Variants in APBB1IP observed in about 807,000 individuals in gnomAD.
APBB1IP encodes amyloid beta A4 precursor protein-binding family B member 1-interacting protein.
In APBB1IP, 27 loss-of-function variants were observed where a neutral mutation model predicts 64.9. The observed-to-expected ratio is 0.42, with a 90% CI of 0.31 to 0.57. APBB1IP has a LOEUF of 0.57. Ranked by LOEUF, APBB1IP falls within the 20% of genes least tolerant of loss-of-function variation. APBB1IP has a pLI of 0.20. For synonymous variants in APBB1IP, 392 were observed against 331.0 expected (o/e 1.18, Z -2.00); for missense variants, 812 against 845.5 (o/e 0.96, Z 0.49).
At chr10:26,500,205 T>G (rs575203512) in intron 4 of APBB1IP, among the ~76,000 whole-genome samples, 1 of 138,088 alleles carries the variant, frequency 7.2e-6, no homozygotes, top group East Asian at 2.1e-4. Context: ...ATTAAGACTC[T>G]GTCTCAAAAA....
At chr10:26,493,099 A>T (rs1443764593) in intron 3 of APBB1IP, among the ~76,000 whole-genome samples, 1 of 152,138 alleles carries the variant, frequency 6.6e-6, no homozygotes, top group Non-Finnish European at 1.5e-5. Context: ...GAATTCAGTG[A>T]TATTTCTCTT....
chr10:26,543,691 T>G (rs1836726328), intron 11 of APBB1IP, among the ~76,000 whole-genome samples: 1 of 152,044 alleles, frequency 6.6e-6, no homozygotes, highest in South Asian at 2.1e-4. Flanking sequence ...CAATGTGATG[T>G]CAAGTAGTAA....
chr10:26,544,137 C>G (rs1245659084), intron 11 of APBB1IP, among the ~76,000 whole-genome samples: 2 of 152,202 alleles, frequency 1.3e-5, no homozygotes. Context: ...GATCTGGACA[C>G]AAAGCATCGC....
intron 4 of APBB1IP, among the ~76,000 whole-genome samples, chr10:26,498,024 A>G (rs1836049545): frequency 6.6e-6 from 1 of 152,038 alleles, no homozygotes; most frequent in Non-Finnish European, 1.5e-5. Context: ...ATGGCACCCG[A>G]CCAGGATTTC....
chr10:26,537,525 A>G (rs1240343663), intron 10 of APBB1IP, among the ~76,000 whole-genome samples: 2 of 152,156 alleles, frequency 1.3e-5, no homozygotes, highest in Non-Finnish European at 2.9e-5. Context: ...GGCACCTCAC[A>G]ACTGACCCAC....
At chr10:26,448,693 C>T (rs1414480320) in intron 2 of APBB1IP, among the ~76,000 whole-genome samples, 1 of 152,126 alleles carries the variant, frequency 6.6e-6, no homozygotes, top group South Asian at 2.1e-4. Context: ...ATTATTTGCC[C>T]TCTAGTAACA....
At chr10:26,471,158 G>T (rs1835710956) in intron 2 of APBB1IP, among the ~76,000 whole-genome samples, 1 of 152,122 alleles carries the variant, frequency 6.6e-6, no homozygotes, top group African/African-American at 2.4e-5. Flanking sequence ...AAGTGTCAGG[G>T]CTGGGTTTTG....
chr10:26,455,909 C>A (rs920319828), intron 2 of APBB1IP, among the ~76,000 whole-genome samples: 1 of 152,138 alleles, frequency 6.6e-6, no homozygotes, highest in Non-Finnish European at 1.5e-5. Context: ...CCCAAATGTC[C>A]ATCAACTAAT....
chr10:26,561,994 A>G (rs1023067287), intron 13 of APBB1IP: 1 of 184,084 alleles, frequency 5.4e-6, no homozygotes, highest in African/African-American at 2.4e-5. Flanking sequence ...TTTTAAAAGT[A>G]AAACATATTG....
intron 6 of APBB1IP, among the ~76,000 whole-genome samples, chr10:26,508,039 A>C (rs1836205748): frequency 6.6e-6 from 1 of 152,236 alleles, no homozygotes; most frequent in Non-Finnish European, 1.5e-5. Flanking sequence ...AAAATTACGA[A>C]GACAAGTTAT....
intron 1 of APBB1IP, 56 bp downstream of exon 1, chr10:26,438,511 A>AAAAT (rs1235542560): frequency 1.6e-5 from 2 of 123,140 alleles, no homozygotes; most frequent in African/African-American, 5.8e-5. Flanking sequence ...AAAATAAAAT[A>AAAAT]AAAATCCCTT....
intron 8 of APBB1IP, among the ~76,000 whole-genome samples, chr10:26,524,361 A>T (rs984224319): frequency 1.3e-5 from 2 of 152,068 alleles, no homozygotes; most frequent in Non-Finnish European, 2.9e-5. Flanking sequence ...CCATTAGATC[A>T]TGTTTCTCCG....
chr10:26,560,282 G>A, intron 12 of APBB1IP, 79 bp downstream of exon 12: 1 of 1,333,404 alleles, frequency 7.5e-7, no homozygotes. Flanking sequence ...TCCTGGTACT[G>A]TGAAACAGCT....
intron 2 of APBB1IP, among the ~76,000 whole-genome samples, chr10:26,449,091 G>T (rs1835433134): frequency 6.6e-6 from 1 of 152,188 alleles, no homozygotes; most frequent in African/African-American, 2.4e-5. Flanking sequence ...GACTCAAGGA[G>T]ATTCCAGTGC....
chr10:26,553,039 T>G (rs1242288484), intron 11 of APBB1IP, among the ~76,000 whole-genome samples: 1 of 152,104 alleles, frequency 6.6e-6, no homozygotes, highest in Non-Finnish European at 1.5e-5. Flanking sequence ...TTTCTTTTTT[T>G]GAGATGGAGT....
chr10:26,524,293 C>T (rs2132455545), intron 8 of APBB1IP, among the ~76,000 whole-genome samples: 1 of 152,246 alleles, frequency 6.6e-6, no homozygotes, highest in Middle Eastern at 3.4e-3. Context: ...GAGTGTCACA[C>T]AGAGACACAG....
intron 6 of APBB1IP, among the ~76,000 whole-genome samples, chr10:26,506,140 C>G (rs1379071344): frequency 1.3e-5 from 2 of 151,802 alleles, no homozygotes; most frequent in Non-Finnish European, 2.9e-5. Context: ...CTTTGGTCAC[C>G]TTCCTAGCGA....
rs56982662 is a variant in APBB1IP, at chr10:26,524,955, C to CTTTTTTTTTTTTTTTTTTTTTTTT, written c.814-8465_814-8464insTTTTTTTTTTTTTTTTTTTTTTTT. 1.3e-3 allele frequency among the ~76,000 whole-genome samples: 97 copies of CTTTTTTTTTTTTTTTTTTTTTTTT among 73,918 alleles called. 8 individuals are homozygous for CTTTTTTTTTTTTTTTTTTTTTTTT. Among genetic ancestry groups the CTTTTTTTTTTTTTTTTTTTTTTTT allele is most frequent in the Admixed American group, 4.5e-3 (21 of 4,694 alleles). The allele number at this position is 73,918 out of a possible 152,430, so 48.5% of individuals were successfully genotyped here. A position where few individuals can be genotyped will look rare whatever the true frequency, so the allele number is the denominator to read the frequency against. ...TCTTTTTCTTTCTCTTTCTTTCTTT[C>CTTTTTTTTTTTTTTTTTTTTTTTT]TTTTTTTTTTTTTTTTTTTATAAAA... On this transcript the variant is annotated intron_variant, in intron 8 of 14. Coordinates refer to ENST00000376236, the MANE Select transcript of APBB1IP (RefSeq NM_019043.4).
chr10:26,551,388 G>A (rs989609069), intron 11 of APBB1IP, among the ~76,000 whole-genome samples: 8 of 152,208 alleles, frequency 5.3e-5, no homozygotes, highest in Non-Finnish European at 1.2e-4. Context: ...AACATAGTCA[G>A]GGGAAACCAT....
Sources: gnomAD v4.1 joint callset for allele counts (sites outside exome capture counted in the v4.1 genomes callset) on GRCh38, gnomAD v4.1.1 for gene constraint, MANE v1.5 for transcripts, NCBI Gene and HGNC (gene_info 2026-07-23, HGNC 2026-07-21) for gene names.